Variants in PPM1L observed in about 807,000 individuals in gnomAD.
The protein encoded by PPM1L is protein phosphatase 1L.
A neutral mutation model predicts 31.4 loss-of-function variants in PPM1L; 13 were observed. The ratio of observed to expected loss-of-function variants is 0.41; its 90% CI spans 0.27 to 0.66. The LOEUF is 0.66. Ranked by LOEUF, PPM1L falls within the 30% of genes least tolerant of loss-of-function variation. The pLI, the probability that PPM1L is intolerant of heterozygous loss-of-function variation, is 0.29. For synonymous variants in PPM1L, 184 were observed against 175.4 expected (o/e 1.05, Z -0.39); for missense variants, 326 against 453.7 (o/e 0.72, Z 2.56).
At chr3:160,840,719 GGAGAGA>G (rs137953325) in intron 1 of PPM1L, among the ~76,000 whole-genome samples, 25 of 144,086 alleles carry the variant, frequency 1.7e-4, no homozygotes, top group African/African-American at 5.6e-4. Flanking sequence ...TATCTCCAGG[GGAGAGA>G]GAGAGAGAGA....
chr3:160,825,691 A>G (rs960002759), intron 1 of PPM1L, among the ~76,000 whole-genome samples: 1 of 152,188 alleles, frequency 6.6e-6, no homozygotes, highest in African/African-American at 2.4e-5. Flanking sequence ...AAGAAGAAAG[A>G]TAAGAATGAC....
At chr3:160,843,201 C>G (rs895288152) in intron 1 of PPM1L, among the ~76,000 whole-genome samples, 1 of 151,326 alleles carries the variant, frequency 6.6e-6, no homozygotes, top group Non-Finnish European at 1.5e-5. Flanking sequence ...AGGATTTAGA[C>G]TTTTAAATAT....
intron 1 of PPM1L, among the ~76,000 whole-genome samples, chr3:160,812,885 A>C (rs574116163): frequency 2.0e-4 from 30 of 152,344 alleles, no homozygotes; most frequent in African/African-American, 7.0e-4. Flanking sequence ...GAATGTGAGA[A>C]AGTCCTTGCC....
chr3:161,064,355 A>G (rs1213561617), intron 2 of PPM1L, among the ~76,000 whole-genome samples: 2 of 150,640 alleles, frequency 1.3e-5, no homozygotes, highest in Non-Finnish European at 3.0e-5. Flanking sequence ...TGACAGAGCA[A>G]GACCCTATCT....
At chr3:160,862,137 G>A (rs974570525) in intron 1 of PPM1L, among the ~76,000 whole-genome samples, 1 of 152,130 alleles carries the variant, frequency 6.6e-6, no homozygotes, top group African/African-American at 2.4e-5. Flanking sequence ...TGATGATGAT[G>A]CTAATGAAGA....
At chr3:160,962,841 C>G (rs1438496656) in intron 2 of PPM1L, among the ~76,000 whole-genome samples, 1 of 152,000 alleles carries the variant, frequency 6.6e-6, no homozygotes, top group African/African-American at 2.4e-5. Flanking sequence ...CACCTAACCA[C>G]TTAAACAATA....
intron 2 of PPM1L, among the ~76,000 whole-genome samples, chr3:161,007,557 G>A (rs1401237772): frequency 6.6e-6 from 1 of 152,190 alleles, no homozygotes; most frequent in African/African-American, 2.4e-5. Flanking sequence ...TTCAACCTGC[G>A]ACCTGCAGTC....
chr3:160,850,723 T>C (rs183997054), intron 1 of PPM1L, among the ~76,000 whole-genome samples: 1 of 152,278 alleles, frequency 6.6e-6, no homozygotes, highest in African/African-American at 2.4e-5. Flanking sequence ...ATATTTCTTA[T>C]TATGTCATGG....
chr3:160,954,646 G>C (rs1173358525), intron 1 of PPM1L, among the ~76,000 whole-genome samples: 1 of 152,136 alleles, frequency 6.6e-6, no homozygotes, highest in Non-Finnish European at 1.5e-5. Flanking sequence ...TTACGGGAGT[G>C]AGCCACTGTG....
intron 1 of PPM1L, among the ~76,000 whole-genome samples, chr3:160,781,675 A>G (rs115629394): frequency 1.2e-4 from 19 of 152,344 alleles, no homozygotes; most frequent in African/African-American, 4.6e-4. Context: ...TCTAGAAGTA[A>G]TGGACTACAG....
At chr3:161,006,783 C>T (rs1357405417) in intron 2 of PPM1L, among the ~76,000 whole-genome samples, 1 of 150,736 alleles carries the variant, frequency 6.6e-6, no homozygotes, top group Non-Finnish European at 1.5e-5. Context: ...CCTGCGTTCA[C>T]GCCATTCTCC....
At chr3:160,765,527 T>C (rs1037262723) in intron 1 of PPM1L, among the ~76,000 whole-genome samples, 35 of 152,192 alleles carry the variant, frequency 2.3e-4, no homozygotes, top group African/African-American at 6.8e-4. Flanking sequence ...TTAAAAAAGA[T>C]TGGGGTTAGA....
chr3:160,899,608 T>G lies in PPM1L; in HGVS notation c.400-62128T>G, dbSNP rs1713469699. On this transcript the variant is annotated intron_variant, in intron 1 of 3. Transcript: ENST00000498165. Reference sequence around the variant, plus strand: ...TGTTTTTGTTGTAATTTCAAGTAATTAGTAACTTTAGTTTTAATTTTCTCA... The same window carrying G: ...TGTTTTTGTTGTAATTTCAAGTAATGAGTAACTTTAGTTTTAATTTTCTCA... 2.6e-5 allele frequency among the ~76,000 whole-genome samples: 4 copies of G among 152,216 alleles called. No homozygotes were observed. In the South Asian group the frequency reaches 8.3e-4, roughly 31 times the overall value.
chr3:160,929,699 C>T (rs1225739513), intron 1 of PPM1L, among the ~76,000 whole-genome samples: 1 of 152,176 alleles, frequency 6.6e-6, no homozygotes, highest in Non-Finnish European at 1.5e-5. Context: ...TCCATAAATG[C>T]TCCATTGTGA....
intron 2 of PPM1L, among the ~76,000 whole-genome samples, chr3:161,005,966 T>C (rs1380685663): frequency 6.6e-6 from 1 of 151,524 alleles, no homozygotes; most frequent in Non-Finnish European, 1.5e-5. Flanking sequence ...TTTTAAAAGA[T>C]GCATTAAAAA....
chr3:160,777,482 G>T (rs1305210300), intron 1 of PPM1L, among the ~76,000 whole-genome samples: 2 of 152,024 alleles, frequency 1.3e-5, no homozygotes, highest in African/African-American at 2.4e-5. Flanking sequence ...TTTTATCTGG[G>T]AGAACTGCAA....
intron 1 of PPM1L, among the ~76,000 whole-genome samples, chr3:160,805,653 C>T (rs1361721847): frequency 1.3e-5 from 2 of 152,220 alleles, no homozygotes; most frequent in South Asian, 4.2e-4. Context: ...ACCCAGGAGA[C>T]GGAGGTTGCA....
chr3:160,944,892 TATAACTG>T (rs2108091554), intron 1 of PPM1L, among the ~76,000 whole-genome samples: 1 of 88,392 alleles, frequency 1.1e-5, no homozygotes, highest in East Asian at 2.7e-4. Context: ...ATATATTATA[TATAACTG>T]ATGTTACATA....
chr3:160,966,285 A>G (rs985995288), intron 2 of PPM1L, among the ~76,000 whole-genome samples: 25 of 152,150 alleles, frequency 1.6e-4, no homozygotes, highest in African/African-American at 6.0e-4. Context: ...TTATACTTTA[A>G]TTGCAGAAAT....
Sources: allele counts gnomAD v4.1 joint callset (sites outside exome capture counted in the v4.1 genomes callset), GRCh38; gene constraint gnomAD v4.1.1; transcripts MANE v1.5; gene names NCBI Gene and HGNC (gene_info 2026-07-23, HGNC 2026-07-21).